The following SNX29 variants were observed in gnomAD, a reference collection of about 807,000 sequenced individuals.
SNX29 encodes sorting nexin 29.
Under a neutral mutation model 102.1 loss-of-function variants are expected in SNX29, and 78 were observed. That is an observed-to-expected ratio of 0.76 (90% CI 0.64 to 0.92). The LOEUF is 0.92. SNX29 is among the 40% of genes least tolerant of loss of function. The pLI is 0.00. For missense variants in SNX29, 1,280 were observed against 1,061.7 expected (o/e 1.21, Z -2.86); for synonymous variants, 580 against 414.5 (o/e 1.40, Z -4.85).
At chr16:12,327,610 CT>C (rs1325146331) in intron 15 of SNX29, among the ~76,000 whole-genome samples, 1 of 152,162 alleles carries the variant, frequency 6.6e-6, no homozygotes, top group African/African-American at 2.4e-5. Context: ...AAGCCTCTGT[CT>C]GCAGGTATAG....
intron 20 of SNX29, among the ~76,000 whole-genome samples, chr16:12,539,863 T>C (rs769661303): frequency 2.6e-5 from 4 of 152,242 alleles, no homozygotes; most frequent in African/African-American, 4.8e-5. Context: ...CCAAGTATTT[T>C]GCCTGTTCTT....
chr16:12,456,421 A>C (rs2086540148), intron 18 of SNX29, among the ~76,000 whole-genome samples: 1 of 152,178 alleles, frequency 6.6e-6, no homozygotes, highest in African/African-American at 2.4e-5. Context: ...CATTATACCA[A>C]ATGCTGTGAA....
intron 14 of SNX29, among the ~76,000 whole-genome samples, chr16:12,247,974 C>T (rs1054960929): frequency 6.6e-6 from 1 of 152,200 alleles, no homozygotes; most frequent in African/African-American, 2.4e-5. Context: ...GCTGACCCCT[C>T]TTCCCCTCCA....
intron 4 of SNX29, among the ~76,000 whole-genome samples, chr16:12,035,146 C>T (rs1042359698): frequency 7.9e-5 from 12 of 151,550 alleles, no homozygotes; most frequent in East Asian, 3.9e-4. Context: ...CTCATGATGG[C>T]GTATGCCCCT....
chr16:12,429,476 A>G (rs1405431258), intron 18 of SNX29, among the ~76,000 whole-genome samples: 1 of 152,164 alleles, frequency 6.6e-6, no homozygotes, highest in Admixed American at 6.5e-5. Flanking sequence ...ACTGGAGTGC[A>G]ATGACAAGAT....
chr16:12,555,072 G>A (rs1238280283), intron 20 of SNX29, among the ~76,000 whole-genome samples: 2 of 152,006 alleles, frequency 1.3e-5, no homozygotes, highest in Non-Finnish European at 2.9e-5. Flanking sequence ...GAGTTGTGGG[G>A]AGGTGGAGGA....
At chr16:12,239,920 A>C (rs1342063080) in intron 14 of SNX29, among the ~76,000 whole-genome samples, 4 of 152,186 alleles carry the variant, frequency 2.6e-5, no homozygotes, top group Non-Finnish European at 4.4e-5. Flanking sequence ...CTCATCACCC[A>C]AAAATAGCCA....
intron 4 of SNX29, among the ~76,000 whole-genome samples, chr16:12,034,891 A>T (rs1041038748): frequency 2.0e-5 from 3 of 152,134 alleles, no homozygotes; most frequent in Admixed American, 6.5e-5. Flanking sequence ...GGCACCTGTA[A>T]TTCCAGCTAC....
At chr16:12,100,347 G>C (rs1348171591) in intron 11 of SNX29, among the ~76,000 whole-genome samples, 2 of 152,182 alleles carry the variant, frequency 1.3e-5, no homozygotes, top group Non-Finnish European at 2.9e-5. Context: ...ACCACCACCA[G>C]TTGTGACAGG....
chr16:12,180,984 T>A (rs1035227410), intron 13 of SNX29, among the ~76,000 whole-genome samples: 11 of 152,196 alleles, frequency 7.2e-5, no homozygotes, highest in African/African-American at 2.7e-4. Context: ...CCTGCTAAAC[T>A]GTGATTCTGC....
Position 12,351,115 on chromosome 16 carries a change from C to T in SNX29, c.1783-5048C>T, listed in dbSNP as rs570630414. Among the ~76,000 whole-genome samples the T allele has an allele frequency of 1.1e-4, 16 of 152,310 alleles. No individual in the cohort carries two copies. The South Asian group carries it at 2.3e-3, about 22-fold the overall frequency. ...GGCTTATAAGCCAACCTCCCTTTGC[C>T]TCATTGGTAAGGAAAGCATGCCAGC... On this transcript the variant is annotated intron_variant, in intron 15 of 20. Coordinates refer to ENST00000566228, the MANE Select transcript of SNX29 (RefSeq NM_032167.5).
At chr16:12,563,502 A>G (rs1042911168) in intron 20 of SNX29, among the ~76,000 whole-genome samples, 6 of 152,180 alleles carry the variant, frequency 3.9e-5, no homozygotes, top group African/African-American at 1.4e-4. Context: ...TAAAACGGGG[A>G]GACTCCTCCC....
Position 11,982,423 on chromosome 16 carries a change from G to T in SNX29, c.7+5610G>T, listed in dbSNP as rs867873143. ...AGTTCCTGGATGCTCCTTTCCATCA[G>T]TTTTTTTTTTTTTTTTTTTGTTTTG... is the stretch of plus-strand genomic sequence containing the variant. On this transcript the variant is annotated intron_variant, in intron 1 of 20. Coordinates refer to ENST00000566228, the MANE Select transcript of SNX29 (RefSeq NM_032167.5). 5.0e-3 allele frequency among the ~76,000 whole-genome samples: 603 copies of T among 120,390 alleles called. 6 individuals are homozygous for T. The highest frequency in any genetic ancestry group is 0.017 in the African/African-American group (572 of 33,018). 79.0% of individuals were successfully genotyped at this position (120,390 alleles called of 152,430 possible). A position where few individuals can be genotyped will look rare whatever the true frequency, so the allele number is the denominator to read the frequency against.
intron 18 of SNX29, among the ~76,000 whole-genome samples, chr16:12,476,549 C>A (rs967449455): frequency 6.8e-6 from 1 of 148,134 alleles, no homozygotes; most frequent in African/African-American, 2.5e-5. Context: ...AGTAACTGAT[C>A]TGATTATAGG....
At chr16:12,093,709 G>C (rs1442256009) in intron 11 of SNX29, 6 of 152,292 alleles carry the variant, frequency 3.9e-5, no homozygotes, top group Admixed American at 3.9e-4. Context: ...GTGGATTCCT[G>C]GGAGTTATAT....
chr16:12,306,792 G>T (rs1295788627), intron 15 of SNX29, among the ~76,000 whole-genome samples: 1 of 152,226 alleles, frequency 6.6e-6, no homozygotes, highest in Non-Finnish European at 1.5e-5. Context: ...GGACAACCTT[G>T]TCAGCCGAGC....
At chr16:12,451,318 A>G (rs994454062) in intron 18 of SNX29, among the ~76,000 whole-genome samples, 1 of 152,302 alleles carries the variant, frequency 6.6e-6, no homozygotes, top group East Asian at 1.9e-4. Context: ...CACCAAGTTT[A>G]TGTTTCGTCT....
At chr16:12,492,328 C>G (rs1042968901) in intron 19 of SNX29, among the ~76,000 whole-genome samples, 6 of 152,144 alleles carry the variant, frequency 3.9e-5, no homozygotes, top group Non-Finnish European at 5.9e-5. Context: ...TAAATGTCTT[C>G]TTTTGAGAAG....
chr16:12,015,599 G>C (rs752143018), intron 3 of SNX29, among the ~76,000 whole-genome samples: 1 of 148,822 alleles, frequency 6.7e-6, no homozygotes, highest in Non-Finnish European at 1.5e-5. Context: ...GCAGTGATGC[G>C]ATCTTGGCTC....
Sources: allele counts gnomAD v4.1 joint callset (sites outside exome capture counted in the v4.1 genomes callset), GRCh38; gene constraint gnomAD v4.1.1; transcripts MANE v1.5; gene names NCBI Gene and HGNC (gene_info 2026-07-23, HGNC 2026-07-21).